The following DYM variants were observed in gnomAD, a reference collection of about 807,000 sequenced individuals.
DYM encodes dymeclin.
A neutral mutation model predicts 93.1 loss-of-function variants in DYM; 78 were observed. The observed-to-expected ratio is 0.84, with a 90% CI of 0.70 to 1.01. The LOEUF (loss-of-function observed/expected upper bound fraction) is 1.01, where lower values mean the gene tolerates loss of function less well. Among genes scored for constraint, DYM ranks in the 50% least tolerant of loss-of-function variants. The pLI is 0.00. For missense variants in DYM, 789 were observed against 845.0 expected (o/e 0.93, Z 0.82); for synonymous variants, 321 against 319.7 (o/e 1.00, Z -0.04).
intron 1 of DYM, among the ~76,000 whole-genome samples, chr18:49,453,705 A>G (rs184659403): frequency 3.3e-5 from 5 of 152,356 alleles, no homozygotes; most frequent in Admixed American, 3.3e-4. Context: ...TTGCTTAATT[A>G]TTATCCTGAT....
chr18:49,102,662 G>A (rs1017048847), intron 16 of DYM, among the ~76,000 whole-genome samples: 8 of 152,106 alleles, frequency 5.3e-5, no homozygotes, highest in African/African-American at 1.9e-4. Context: ...AGAACTTGTG[G>A]TGTTTGGTTT....
At chr18:49,109,247 TTTTTGTTGTTGTTGTTCCACTA>T (rs1048667693) in intron 16 of DYM, among the ~76,000 whole-genome samples, 7 of 152,258 alleles carry the variant, frequency 4.6e-5, no homozygotes, top group Middle Eastern at 3.4e-3. Flanking sequence ...CATGGATGGA[TTTTTGTTGTTGTTGTTCCACTA>T]TTTTGTTGTT....
chr18:49,112,975 A>C (rs1319500311), intron 16 of DYM, among the ~76,000 whole-genome samples: 1 of 151,644 alleles, frequency 6.6e-6, no homozygotes, highest in Non-Finnish European at 1.5e-5. Flanking sequence ...ACGAGCTCTC[A>C]TTATTCTCCT....
chr18:49,252,049 A>G (rs996860488), intron 13 of DYM, among the ~76,000 whole-genome samples: 1 of 151,578 alleles, frequency 6.6e-6, no homozygotes, highest in African/African-American at 2.4e-5. Flanking sequence ...CCCCATCTCT[A>G]GTAAAAATAC....
chr18:49,045,364 G>A (rs2071342343), intron 17 of DYM, among the ~76,000 whole-genome samples: 2 of 152,246 alleles, frequency 1.3e-5, no homozygotes, highest in Non-Finnish European at 2.9e-5. Context: ...TTAATAAACT[G>A]ATGAGTGAAT....
chr18:49,063,936 A>T (rs572615042), intron 17 of DYM, among the ~76,000 whole-genome samples: 1 of 152,136 alleles, frequency 6.6e-6, no homozygotes, highest in African/African-American at 2.4e-5. Context: ...GCTGAAGGTA[A>T]TAATTTCTAA....
At chr18:49,065,534 G>A (rs1187197246) in intron 17 of DYM, among the ~76,000 whole-genome samples, 1 of 152,038 alleles carries the variant, frequency 6.6e-6, no homozygotes, top group East Asian at 1.9e-4. Context: ...GGCTAATTTT[G>A]TATTTTTAGT....
intron 17 of DYM, among the ~76,000 whole-genome samples, chr18:49,067,630 A>C (rs2076575586): frequency 6.6e-6 from 1 of 152,124 alleles, no homozygotes; most frequent in South Asian, 2.1e-4. Flanking sequence ...GAGAACTGGG[A>C]GGGATCAACG....
intron 14 of DYM, among the ~76,000 whole-genome samples, chr18:49,197,690 T>C: frequency 6.6e-6 from 1 of 152,180 alleles, no homozygotes; most frequent in East Asian, 1.9e-4. Context: ...GAAGGACCTC[T>C]TCAAGGAGAA....
intron 15 of DYM, among the ~76,000 whole-genome samples, chr18:49,160,211 C>A (rs1254986108): frequency 6.6e-6 from 1 of 152,134 alleles, no homozygotes; most frequent in Non-Finnish European, 1.5e-5. Flanking sequence ...GGCTTGAGTA[C>A]AATTTTTGTT....
intron 14 of DYM, among the ~76,000 whole-genome samples, chr18:49,204,907 G>A (rs569058843): frequency 6.6e-6 from 1 of 152,264 alleles, no homozygotes; most frequent in East Asian, 1.9e-4. Flanking sequence ...AAGGCTTATG[G>A]CTTCATAAAA....
At chr18:49,430,141 G>A (rs1269472957) in intron 2 of DYM, 114 bp downstream of exon 2, 1 of 1,025,348 alleles carries the variant, frequency 9.8e-7, no homozygotes, top group Non-Finnish European at 1.5e-6. Flanking sequence ...ATCTATGTAT[G>A]ACAGATAGAC....
chr18:49,289,754 T>TAC (rs1288786436), intron 8 of DYM, among the ~76,000 whole-genome samples: 2 of 47,522 alleles, frequency 4.2e-5, no homozygotes, highest in South Asian at 5.3e-4. Flanking sequence ...TATATATATA[T>TAC]ATATATATAT....
At chr18:49,272,551 T>C (rs2094733158) in intron 10 of DYM, among the ~76,000 whole-genome samples, 2 of 152,166 alleles carry the variant, frequency 1.3e-5, no homozygotes, top group Admixed American at 6.5e-5. Flanking sequence ...AGGTTGGATC[T>C]GCAAGGACCA....
intron 17 of DYM, among the ~76,000 whole-genome samples, chr18:49,047,825 T>C (rs571935621): frequency 2.0e-5 from 3 of 152,174 alleles, no homozygotes; most frequent in South Asian, 2.1e-4. Context: ...AAATCTGCAT[T>C]TGTAGCAAGA....
intron 15 of DYM, among the ~76,000 whole-genome samples, chr18:49,139,049 T>A (rs1238124953): frequency 6.6e-6 from 1 of 152,176 alleles, no homozygotes; most frequent in East Asian, 1.9e-4. Flanking sequence ...CTGTACAGAC[T>A]AATACTTAGA....
chr18:49,249,002 A>C (rs2094228383), intron 13 of DYM, among the ~76,000 whole-genome samples: 1 of 152,206 alleles, frequency 6.6e-6, no homozygotes, highest in African/African-American at 2.4e-5. Context: ...GGGAAAGCAA[A>C]CTGAATGACC....
intron 8 of DYM, 86 bp downstream of exon 8, chr18:49,331,778 T>C (rs1057132446): frequency 9.8e-6 from 14 of 1,421,814 alleles, no homozygotes; most frequent in African/African-American, 2.8e-5. Context: ...CTATTAATGG[T>C]GGCAGCCAAG....
chr18:49,419,100 C>T (rs770991285), intron 2 of DYM, among the ~76,000 whole-genome samples: 3 of 152,136 alleles, frequency 2.0e-5, no homozygotes, highest in Non-Finnish European at 4.4e-5. Flanking sequence ...CAGTGGCTCA[C>T]GCCTGTAATA....
Sources: gnomAD v4.1 joint callset for allele counts (sites outside exome capture counted in the v4.1 genomes callset) on GRCh38, gnomAD v4.1.1 for gene constraint, MANE v1.5 for transcripts, NCBI Gene and HGNC (gene_info 2026-07-23, HGNC 2026-07-21) for gene names.